Variants in EXOC2 observed in about 807,000 individuals in gnomAD.
EXOC2 encodes SEC5-like 1.
In EXOC2, 70 loss-of-function variants were observed where a neutral mutation model predicts 131.8. The observed-to-expected ratio is 0.53, with a 90% CI of 0.44 to 0.65. The LOEUF is 0.65. EXOC2 is among the 30% of genes least tolerant of loss of function. The probability of loss-of-function intolerance (pLI) is 0.00; values close to 1 mark genes in which losing one functional copy is unlikely to be tolerated. For missense variants in EXOC2, 923 were observed against 1,108.6 expected (o/e 0.83, Z 2.38); for synonymous variants, 411 against 398.4 (o/e 1.03, Z -0.38).
At chr6:511,914 T>C (rs548927330) in intron 23 of EXOC2, among the ~76,000 whole-genome samples, 21 of 152,400 alleles carry the variant, frequency 1.4e-4, no homozygotes, top group African/African-American at 4.6e-4. Flanking sequence ...GCCACATCTG[T>C]TGCTTCGTGC....
chr6:615,182 G>GGTGTGTGTGT (rs201428433), intron 6 of EXOC2, among the ~76,000 whole-genome samples: 8 of 121,030 alleles, frequency 6.6e-5, no homozygotes, highest in African/African-American at 3.0e-4. Context: ...TGTGGGTGTG[G>GGTGTGTGTGT]GTGTGTGTGT....
intron 7 of EXOC2, among the ~76,000 whole-genome samples, chr6:600,543 G>A (rs1197622495): frequency 6.6e-5 from 10 of 152,022 alleles, no homozygotes; most frequent in African/African-American, 2.4e-4. Context: ...TGTTAGGTTT[G>A]GATGTTAAAT....
At chr6:532,705 A>G in intron 22 of EXOC2, 95 bp from the exon 23 acceptor site, 1 of 1,191,084 alleles carries the variant, frequency 8.4e-7, no homozygotes, top group South Asian at 2.8e-5. Flanking sequence ...CTATAATAAA[A>G]GCACTTCTCA....
chr6:502,295 G>A (rs1019574688), intron 23 of EXOC2, among the ~76,000 whole-genome samples: 3 of 152,196 alleles, frequency 2.0e-5, no homozygotes, highest in Admixed American at 6.5e-5. Context: ...GTCAGGATTT[G>A]GGGCTCTAAC....
At chr6:605,159 T>A (rs1362709591) in intron 7 of EXOC2, among the ~76,000 whole-genome samples, 2 of 152,198 alleles carry the variant, frequency 1.3e-5, no homozygotes, top group African/African-American at 4.8e-5. Context: ...TTCTTACTAC[T>A]CAGAGAGGTG....
At chr6:561,590 T>C (rs567657165) in intron 17 of EXOC2, among the ~76,000 whole-genome samples, 16 of 152,158 alleles carry the variant, frequency 1.1e-4, no homozygotes, top group Non-Finnish European at 2.2e-4. Context: ...AGGATTGCTA[T>C]CTTTTTTTCT....
chr6:537,954 G>C (rs1766565648), intron 22 of EXOC2, among the ~76,000 whole-genome samples: 1 of 152,168 alleles, frequency 6.6e-6, no homozygotes, highest in South Asian at 2.1e-4. Flanking sequence ...GGAAGGTTTT[G>C]TATTTTCATC....
At position 564,613 on chromosome 6, in the gene EXOC2, C is replaced by A; in HGVS notation, c.1599G>T (p.Gln533His). 1.2e-6 allele frequency: 2 copies of A among 1,614,034 alleles called. No homozygotes were observed. Among genetic ancestry groups the A allele is most frequent in the Non-Finnish European group, 1.7e-6 (2 of 1,179,972 alleles). Residue 533 changes from glutamine to histidine, a missense_variant, in exon 15 of 28, where the codon CAG becomes CAT. Coordinates refer to ENST00000230449, the MANE Select transcript of EXOC2 (RefSeq NM_018303.6). Reference protein sequence around the residue: ...PLSIRDGEAKQYGGWEVKCEL... With the variant: ...PLSIRDGEAKHYGGWEVKCEL... ...CGCACTTCACCTCCCAGCCTCCGTACTGCTTGGCTTCCCCATCCCGGATGC... is the reference window on the plus strand; with the variant it reads ...CGCACTTCACCTCCCAGCCTCCGTAATGCTTGGCTTCCCCATCCCGGATGC...
intron 1 of EXOC2, among the ~76,000 whole-genome samples, chr6:638,607 C>T (rs1400244294): frequency 1.3e-5 from 2 of 152,178 alleles, no homozygotes; most frequent in Non-Finnish European, 2.9e-5. Context: ...CTTGGAAAGC[C>T]CAGTACCTGG....
chr6:491,969 A>G (rs1763459826), intron 25 of EXOC2, among the ~76,000 whole-genome samples: 1 of 152,248 alleles, frequency 6.6e-6, no homozygotes. Flanking sequence ...CATGCAGAAG[A>G]ATGAAGTTGA....
At chr6:525,811 T>C in intron 23 of EXOC2, among the ~76,000 whole-genome samples, 1 of 152,150 alleles carries the variant, frequency 6.6e-6, no homozygotes, top group East Asian at 1.9e-4. Context: ...TCAATAAAAA[T>C]GAGGAAAGAA....
chr6:552,912 G>A lies in EXOC2; in HGVS notation c.2121+942C>T, dbSNP rs574113554. ...TCAAACTCATGACAAACCAGAGAGG[G>A]TTATTTATTATTATTATTTTTCTGA... On this transcript the variant is annotated intron_variant, in intron 21 of 27. Transcript: ENST00000230449. 2.6e-5 allele frequency among the ~76,000 whole-genome samples: 4 copies of A among 151,940 alleles called. No homozygotes were observed. The South Asian group carries it at 6.3e-4, about 24-fold the overall frequency.
intron 3 of EXOC2, 71 bp from the exon 4 acceptor site, chr6:630,032 G>A (rs987264568): frequency 9.0e-6 from 14 of 1,556,844 alleles, no homozygotes; most frequent in East Asian, 4.7e-5. Flanking sequence ...CTGGCCTATT[G>A]TCTGACTTCT....
At chr6:592,362 A>T (rs1344131876) in intron 11 of EXOC2, 107 bp downstream of exon 11, 3 of 942,322 alleles carry the variant, frequency 3.2e-6, no homozygotes, top group Non-Finnish European at 4.9e-6. Context: ...CAATAATAAG[A>T]GATACCAAGT....
intron 22 of EXOC2, among the ~76,000 whole-genome samples, chr6:541,189 C>T (rs1425060324): frequency 6.6e-6 from 1 of 152,164 alleles, no homozygotes; most frequent in Non-Finnish European, 1.5e-5. Context: ...TCCAACTGCT[C>T]CTCTGCTCCC....
At chr6:631,206 G>T (rs1761829961) in intron 3 of EXOC2, among the ~76,000 whole-genome samples, 1 of 152,152 alleles carries the variant, frequency 6.6e-6, no homozygotes, top group South Asian at 2.1e-4. Flanking sequence ...ATGCAACAGG[G>T]GCTTCTGCTC....
At chr6:631,630 C>A (rs1463354191) in intron 3 of EXOC2, among the ~76,000 whole-genome samples, 4 of 151,810 alleles carry the variant, frequency 2.6e-5, no homozygotes, top group African/African-American at 4.8e-5. Context: ...AATAAAATTA[C>A]CACTTTTGCC....
intron 23 of EXOC2, among the ~76,000 whole-genome samples, chr6:527,281 C>T (rs1358853246): frequency 6.6e-6 from 1 of 152,174 alleles, no homozygotes; most frequent in African/African-American, 2.4e-5. Flanking sequence ...AAATTCTACG[C>T]TGGACCTGAG....
intron 12 of EXOC2, among the ~76,000 whole-genome samples, chr6:573,517 A>G (rs1671294213): frequency 6.6e-6 from 1 of 152,116 alleles, no homozygotes; most frequent in African/African-American, 2.4e-5. Flanking sequence ...CTACTCAGCA[A>G]CTTCAGGGGC....
Sources: allele counts gnomAD v4.1 joint callset (sites outside exome capture counted in the v4.1 genomes callset), GRCh38; gene constraint gnomAD v4.1.1; transcripts MANE v1.5; gene names NCBI Gene and HGNC (gene_info 2026-07-23, HGNC 2026-07-21).